The following SHTN1 variants were observed in gnomAD, a reference collection of about 807,000 sequenced individuals.
The protein encoded by SHTN1 is shootin 1, also known as shootin-1.
In SHTN1, 42 loss-of-function variants were observed where a neutral mutation model predicts 83.1. That is an observed-to-expected ratio of 0.51 (90% CI 0.39 to 0.65). The LOEUF is 0.65. Among genes scored for constraint, SHTN1 ranks in the 30% least tolerant of loss-of-function variants. The probability of loss-of-function intolerance (pLI) is 0.00; values close to 1 mark genes in which losing one functional copy is unlikely to be tolerated. For synonymous variants in SHTN1, 224 were observed against 247.7 expected, an observed-to-expected ratio of 0.90 and a Z score of 0.90; for missense variants, 622 against 737.8, an observed-to-expected ratio of 0.84 and a Z score of 1.82.
intron 2 of SHTN1, among the ~76,000 whole-genome samples, chr10:117,037,998 C>CAAAAAAAAAAAAAAAA (rs71013632): frequency 1.3e-5 from 1 of 75,496 alleles, no homozygotes; most frequent in African/African-American, 5.4e-5. Flanking sequence ...AGCGAGACTT[C>CAAAAAAAAAAAAAAAA]AAAAAAAAAA....
chr10:116,898,380 T>C (rs1353564300), intron 16 of SHTN1, among the ~76,000 whole-genome samples: 2 of 152,042 alleles, frequency 1.3e-5, no homozygotes, highest in Non-Finnish European at 2.9e-5. Flanking sequence ...ACCCACCCAC[T>C]GATTGGCCTG....
At position 116,886,609 on chromosome 10, in the gene SHTN1, G is replaced by A. The variant is rs199659749; in HGVS notation, c.1674-43C>T. On this transcript the variant is annotated intron_variant, in intron 16 of 16. Coordinates refer to ENST00000355371, the MANE Select transcript of SHTN1 (RefSeq NM_001127211.3). ...AGACAAAAAAAGTAAAAAGCAGAGA[G>A]AGAAAATAGTTGTCTCTGATATTCT... The A allele has an allele frequency of 1.4e-4, 224 of 1,608,074 alleles. No individual in the cohort carries two copies. In the East Asian group the frequency reaches 4.9e-3, roughly 35 times the overall value.
chr10:116,979,375 T>C (rs545392353), intron 1 of SHTN1, 67 bp from the exon 2 acceptor site: 1 of 1,258,226 alleles, frequency 7.9e-7, no homozygotes, highest in African/African-American at 1.5e-5. Context: ...ACCTGGGGAA[T>C]CCAACTAACC....
intron 1 of SHTN1, among the ~76,000 whole-genome samples, chr10:117,113,506 T>G (rs1853797257): frequency 6.6e-6 from 1 of 152,204 alleles, no homozygotes; most frequent in African/African-American, 2.4e-5. Context: ...CTGCTACTCC[T>G]TTCTCTCAGG....
intron 1 of SHTN1, among the ~76,000 whole-genome samples, chr10:116,999,870 G>A (rs1039963311): frequency 9.9e-5 from 15 of 152,052 alleles, no homozygotes; most frequent in Non-Finnish European, 1.6e-4. Flanking sequence ...CCGAGACCAC[G>A]CCATTGCACT....
intron 7 of SHTN1, among the ~76,000 whole-genome samples, chr10:116,946,186 A>G (rs936606597): frequency 2.4e-4 from 36 of 149,408 alleles, no homozygotes; most frequent in African/African-American, 8.8e-4. Context: ...TGTCTTCCAT[A>G]TATATATAAA....
intron 14 of SHTN1, among the ~76,000 whole-genome samples, chr10:116,909,821 A>G (rs546807206): frequency 3.3e-5 from 5 of 152,266 alleles, no homozygotes; most frequent in Admixed American, 3.3e-4. Context: ...TCAAAAAATA[A>G]CCCACACTGA....
chr10:117,067,755 A>T (rs912809105), intron 1 of SHTN1, among the ~76,000 whole-genome samples: 3 of 152,168 alleles, frequency 2.0e-5, no homozygotes, highest in African/African-American at 7.2e-5. Context: ...AAACTAAAAT[A>T]ATGGCAGGAA....
chr10:116,901,150 C>T (rs1283841809), intron 16 of SHTN1: 15 of 985,252 alleles, frequency 1.5e-5, no homozygotes, highest in Non-Finnish European at 1.8e-5. Flanking sequence ...AAACTGTAGA[C>T]TAATTTCAAA....
intron 2 of SHTN1, 64 bp from the exon 3 acceptor site, chr10:116,968,776 G>T: frequency 7.7e-7 from 1 of 1,293,934 alleles, no homozygotes; most frequent in Non-Finnish European, 1.1e-6. Flanking sequence ...GAAAAGGCAA[G>T]CAAGAGCAAA....
At chr10:116,898,498 AGCCCTTTACCTCT>A (rs748577853) in intron 16 of SHTN1, among the ~76,000 whole-genome samples, 2 of 152,176 alleles carry the variant, frequency 1.3e-5, no homozygotes, top group Non-Finnish European at 2.9e-5. Flanking sequence ...GTGCCTGGTC[AGCCCTTTACCTCT>A]TATAGCATAA....
At chr10:116,953,522 C>T (rs966586087) in intron 5 of SHTN1, among the ~76,000 whole-genome samples, 4 of 151,660 alleles carry the variant, frequency 2.6e-5, no homozygotes, top group Admixed American at 2.0e-4. Context: ...TTTCAAAATA[C>T]TGATGCCTAG....
intron 2 of SHTN1, among the ~76,000 whole-genome samples, chr10:116,975,835 G>T (rs1435781846): frequency 6.6e-6 from 1 of 152,082 alleles, no homozygotes; most frequent in Non-Finnish European, 1.5e-5. Flanking sequence ...ACAAACACAT[G>T]TGAATGTTTT....
chr10:116,931,254 T>G (rs1012204898), intron 9 of SHTN1, among the ~76,000 whole-genome samples: 1 of 152,194 alleles, frequency 6.6e-6, no homozygotes, highest in African/African-American at 2.4e-5. Context: ...GTTTTTGTTT[T>G]TGTTTTTGTT....
chr10:117,066,694 C>A (rs1297785089), intron 1 of SHTN1, among the ~76,000 whole-genome samples: 1 of 152,122 alleles, frequency 6.6e-6, no homozygotes, highest in Non-Finnish European at 1.5e-5. Context: ...GATGCTAGAG[C>A]AAACAGCTAT....
intron 1 of SHTN1, among the ~76,000 whole-genome samples, chr10:117,111,790 A>G (rs1433605758): frequency 1.3e-5 from 2 of 151,978 alleles, no homozygotes; most frequent in Admixed American, 1.3e-4. Context: ...ACAATCCCCT[A>G]TGACCTCCAC....
At chr10:116,907,971 T>G (rs149382964) in intron 14 of SHTN1, 4 of 500,788 alleles carry the variant, frequency 8.0e-6, no homozygotes, top group African/African-American at 7.7e-5. Flanking sequence ...TTAGCCATTT[T>G]TACAAGAAGC....
At chr10:116,928,525 C>G (rs1033295318) in intron 10 of SHTN1, among the ~76,000 whole-genome samples, 3 of 152,262 alleles carry the variant, frequency 2.0e-5, no homozygotes, top group East Asian at 1.9e-4. Context: ...CTACAGGAGA[C>G]GTAACACCTG....
chr10:117,050,697 TA>T (rs150708766), intron 1 of SHTN1, among the ~76,000 whole-genome samples: 115 of 142,968 alleles, frequency 8.0e-4, no homozygotes, highest in East Asian at 1.0e-3. Context: ...CTAGAATGAC[TA>T]AAAAAAAAAA....
Sources: gnomAD v4.1 joint callset for allele counts (sites outside exome capture counted in the v4.1 genomes callset) on GRCh38, gnomAD v4.1.1 for gene constraint, MANE v1.5 for transcripts, NCBI Gene and HGNC (gene_info 2026-07-23, HGNC 2026-07-21) for gene names.